ZNF804A: variants seen among roughly 807,000 people sequenced by gnomAD.
ZNF804A encodes the protein zinc finger protein 804A.
ZNF804A carries 2 observed loss-of-function variants against 16.5 expected under a neutral mutation model. That is an observed-to-expected ratio of 0.12 (90% CI 0.05 to 0.38). ZNF804A has a LOEUF of 0.38. ZNF804A is among the 10% of genes least tolerant of loss of function. ZNF804A has a pLI of 0.99. For synonymous variants in ZNF804A, 534 were observed against 489.6 expected (o/e 1.09, Z -1.20); for missense variants, 1,473 against 1,390.7 (o/e 1.06, Z -0.94).
chr2:184,683,771 A>G (rs1574161246), intron 1 of ZNF804A, among the ~76,000 whole-genome samples: 1 of 152,220 alleles, frequency 6.6e-6, no homozygotes. Flanking sequence ...AATAATATTC[A>G]GTAAAATATT....
intron 1 of ZNF804A, among the ~76,000 whole-genome samples, chr2:184,624,281 A>G (rs1301607393): frequency 6.6e-6 from 1 of 152,200 alleles, no homozygotes; most frequent in Non-Finnish European, 1.5e-5. Flanking sequence ...ATTTTATGCT[A>G]TATTTTACCA....
chr2:184,889,680 C>A (rs1014497537), intron 2 of ZNF804A, among the ~76,000 whole-genome samples: 8 of 151,758 alleles, frequency 5.3e-5, no homozygotes, highest in Non-Finnish European at 8.8e-5. Flanking sequence ...CACACACATA[C>A]ACACATTTGT....
At chr2:184,811,169 C>G (rs1236443452) in intron 1 of ZNF804A, among the ~76,000 whole-genome samples, 1 of 152,098 alleles carries the variant, frequency 6.6e-6, no homozygotes, top group African/African-American at 2.4e-5. Context: ...ATTACGCTTA[C>G]AATTAAATGC....
At chr2:184,697,544 T>C (rs529373865) in intron 1 of ZNF804A, among the ~76,000 whole-genome samples, 2 of 152,188 alleles carry the variant, frequency 1.3e-5, no homozygotes, top group South Asian at 2.1e-4. Context: ...TAATAATATA[T>C]TAAATCATCC....
At chr2:184,611,708 A>T (rs1227403387) in intron 1 of ZNF804A, among the ~76,000 whole-genome samples, 2 of 152,170 alleles carry the variant, frequency 1.3e-5, no homozygotes, top group Non-Finnish European at 2.9e-5. Flanking sequence ...AAACAGGCAT[A>T]GTAATCAACC....
intron 1 of ZNF804A, among the ~76,000 whole-genome samples, chr2:184,758,362 T>G (rs1022909440): frequency 7.2e-6 from 1 of 137,992 alleles, no homozygotes; most frequent in African/African-American, 3.3e-5. Flanking sequence ...CTAATAACAC[T>G]GATTATTTAC....
At chr2:184,710,721 T>C (rs1351651169) in intron 1 of ZNF804A, among the ~76,000 whole-genome samples, 1 of 151,838 alleles carries the variant, frequency 6.6e-6, no homozygotes, top group East Asian at 1.9e-4. Context: ...TTTTATGAAT[T>C]TGACTGTGTT....
At chr2:184,784,594 T>C (rs1245274608) in intron 1 of ZNF804A, among the ~76,000 whole-genome samples, 1 of 151,812 alleles carries the variant, frequency 6.6e-6, no homozygotes, top group Non-Finnish European at 1.5e-5. Context: ...AGCAGACAGG[T>C]TGTTATTTTA....
In ZNF804A at chr2:184,787,800, G is replaced by T. The variant is rs1229494471; in HGVS notation, c.112-78569G>T. The stretch of plus-strand genomic sequence containing the variant: ...GTAAATATTTTCTCCCATTCTGTAG[G>T]TTGTCTGTTTATTATTTCTTTTGCT... On this transcript the variant is annotated intron_variant, in intron 1 of 3. Coordinates refer to ENST00000302277, the MANE Select transcript of ZNF804A (RefSeq NM_194250.2). Among the ~76,000 whole-genome samples, 4 of 149,534 alleles carry T rather than the reference G, an allele frequency of 2.7e-5. No homozygotes were observed. The East Asian group carries it at 7.8e-4, about 29-fold the overall frequency.
chr2:184,761,950 G>T (rs1694041926), intron 1 of ZNF804A, among the ~76,000 whole-genome samples: 1 of 152,098 alleles, frequency 6.6e-6, no homozygotes, highest in South Asian at 2.1e-4. Flanking sequence ...TTCTGAAGAA[G>T]GCTATATTTT....
intron 1 of ZNF804A, among the ~76,000 whole-genome samples, chr2:184,798,859 G>A (rs1694677989): frequency 6.6e-6 from 1 of 152,046 alleles, no homozygotes; most frequent in African/African-American, 2.4e-5. Context: ...CATTTGAGTA[G>A]GCTATGTCAG....
chr2:184,647,145 C>T (rs2105697751), intron 1 of ZNF804A, among the ~76,000 whole-genome samples: 1 of 152,244 alleles, frequency 6.6e-6, no homozygotes. Flanking sequence ...AAACAGCCTA[C>T]CCAGTATTCA....
intron 2 of ZNF804A, among the ~76,000 whole-genome samples, chr2:184,877,368 A>C (rs1684723706): frequency 6.6e-6 from 1 of 152,142 alleles, no homozygotes; most frequent in Non-Finnish European, 1.5e-5. Context: ...TTTTAAGAAG[A>C]AAATTCATCC....
intron 1 of ZNF804A, among the ~76,000 whole-genome samples, chr2:184,762,992 A>T (rs1320252481): frequency 6.6e-6 from 1 of 152,178 alleles, no homozygotes; most frequent in African/African-American, 2.4e-5. Context: ...ATTTCTAGCC[A>T]TTTAGTCATT....
chr2:184,687,059 C>T (rs1005067834), intron 1 of ZNF804A, among the ~76,000 whole-genome samples: 5 of 152,030 alleles, frequency 3.3e-5, no homozygotes, highest in Non-Finnish European at 5.9e-5. Flanking sequence ...GCTTTTGTTG[C>T]GGTTGCTTTG....
chr2:184,708,548 A>G (rs1693071451), intron 1 of ZNF804A, among the ~76,000 whole-genome samples: 1 of 152,112 alleles, frequency 6.6e-6, no homozygotes, highest in African/African-American at 2.4e-5. Context: ...GCAATGAGGA[A>G]AGGACCAAAT....
chr2:184,674,618 G>A (rs528741594), intron 1 of ZNF804A, among the ~76,000 whole-genome samples: 1 of 151,888 alleles, frequency 6.6e-6, no homozygotes, highest in East Asian at 1.9e-4. Flanking sequence ...ATAAGGGAAA[G>A]GAGAGGAAGA....
chr2:184,684,081 T>C (rs1355924942), intron 1 of ZNF804A, among the ~76,000 whole-genome samples: 1 of 152,218 alleles, frequency 6.6e-6, no homozygotes, highest in Non-Finnish European at 1.5e-5. Flanking sequence ...AGCAGGCAGA[T>C]GGCTGTAGAG....
intron 1 of ZNF804A, among the ~76,000 whole-genome samples, chr2:184,845,262 T>C (rs1020696468): frequency 6.6e-6 from 1 of 152,152 alleles, no homozygotes; most frequent in African/African-American, 2.4e-5. Flanking sequence ...TAACTGTTAG[T>C]GTGCTTTTTC....
Sources: allele counts gnomAD v4.1 joint callset (sites outside exome capture counted in the v4.1 genomes callset), GRCh38; gene constraint gnomAD v4.1.1; transcripts MANE v1.5; gene names NCBI Gene and HGNC (gene_info 2026-07-23, HGNC 2026-07-21).